Variants in ACVR1 observed in about 807,000 individuals in gnomAD.
The protein encoded by ACVR1 is activin receptor type-1.
In ACVR1, 38 loss-of-function variants were observed where a neutral mutation model predicts 57.1. That is an observed-to-expected ratio of 0.67 (90% confidence interval 0.51 to 0.87). The LOEUF is 0.87. Ranked by LOEUF, ACVR1 falls within the 40% of genes least tolerant of loss-of-function variation. The pLI is 0.00. For synonymous variants in ACVR1, 212 were observed against 228.1 expected, an observed-to-expected ratio of 0.93 and a Z score of 0.63; for missense variants, 463 against 638.2, an observed-to-expected ratio of 0.73 and a Z score of 2.96.
intron 1 of ACVR1, among the ~76,000 whole-genome samples, chr2:157,825,023 G>A (rs1421803512): frequency 2.6e-5 from 4 of 152,066 alleles, no homozygotes; most frequent in African/African-American, 9.7e-5. Flanking sequence ...TGAGATTACA[G>A]GAGTGAGAGA....
At chr2:157,867,876 A>G (rs1351628041) in intron 1 of ACVR1, among the ~76,000 whole-genome samples, 1 of 152,114 alleles carries the variant, frequency 6.6e-6, no homozygotes, top group African/African-American at 2.4e-5. Context: ...TTCTCCTTCT[A>G]TAAAATGGGC....
At chr2:157,798,863 A>G (rs923901736) in intron 3 of ACVR1, among the ~76,000 whole-genome samples, 4 of 151,162 alleles carry the variant, frequency 2.6e-5, no homozygotes, top group Non-Finnish European at 4.4e-5. Flanking sequence ...ATTGTTAATT[A>G]CAGAATTTTC....
chr2:157,836,910 A>C (rs1317564090), intron 1 of ACVR1, among the ~76,000 whole-genome samples: 5 of 152,198 alleles, frequency 3.3e-5, no homozygotes, highest in African/African-American at 1.2e-4. Flanking sequence ...ATCTACTGTA[A>C]TTAGGTGGAA....
chr2:157,774,416 G>T (rs1436962951), intron 5 of ACVR1, among the ~76,000 whole-genome samples: 1 of 152,184 alleles, frequency 6.6e-6, no homozygotes, highest in Non-Finnish European at 1.5e-5. Context: ...CCAGGCTGCA[G>T]TTCAATGGCG....
At chr2:157,835,101 C>T (rs989933504) in intron 1 of ACVR1, among the ~76,000 whole-genome samples, 1 of 152,134 alleles carries the variant, frequency 6.6e-6, no homozygotes, top group Admixed American at 6.6e-5. Flanking sequence ...ACTAAAAATG[C>T]AACTAAAACC....
chr2:157,817,722 C>T (rs192646283), intron 2 of ACVR1, among the ~76,000 whole-genome samples: 12 of 152,114 alleles, frequency 7.9e-5, no homozygotes, highest in South Asian at 6.2e-4. Context: ...AAATTAGGGC[C>T]GGGCACAGTG....
chr2:157,856,885 T>C (rs1689553926), intron 1 of ACVR1, among the ~76,000 whole-genome samples: 1 of 152,184 alleles, frequency 6.6e-6, no homozygotes, highest in African/African-American at 2.4e-5. Flanking sequence ...CATGCTACCT[T>C]CTTTCAATCC....
At chr2:157,795,419 CACACACACAA>C (rs1413533713) in intron 3 of ACVR1, among the ~76,000 whole-genome samples, 6 of 147,766 alleles carry the variant, frequency 4.1e-5, no homozygotes, top group African/African-American at 1.0e-4. Context: ...CACACACACA[CACACACACAA>C]ACACAATAGG....
intron 3 of ACVR1, among the ~76,000 whole-genome samples, chr2:157,783,346 T>A (rs574051705): frequency 6.6e-6 from 1 of 152,284 alleles, no homozygotes; most frequent in South Asian, 2.1e-4. Flanking sequence ...CTGGCAGACG[T>A]TTGGACTATA....
At chr2:157,821,482 C>T (rs1011536421) in intron 1 of ACVR1, among the ~76,000 whole-genome samples, 10 of 151,652 alleles carry the variant, frequency 6.6e-5, no homozygotes, top group South Asian at 2.1e-4. Context: ...CCAAGATCAG[C>T]GCCACTGCAC....
At chr2:157,818,326 G>GC (rs1212861869) in intron 2 of ACVR1, 59 bp downstream of exon 2, 1 of 152,220 alleles carries the variant, frequency 6.6e-6, no homozygotes, top group African/African-American at 2.4e-5. Context: ...TGAAGTGGCT[G>GC]CACTGCTGGT....
At chr2:157,873,983 C>A (rs971139150) in intron 1 of ACVR1, among the ~76,000 whole-genome samples, 1 of 152,206 alleles carries the variant, frequency 6.6e-6, no homozygotes, top group African/African-American at 2.4e-5. Context: ...CAAATGATCA[C>A]TCTCTTCCAA....
At chr2:157,774,330 TGGAAGAA>T in intron 5 of ACVR1, 143 bp from the exon 6 acceptor site, 1 of 714,854 alleles carries the variant, frequency 1.4e-6, no homozygotes, top group East Asian at 2.7e-5. Flanking sequence ...AAAGCTCCTC[TGGAAGAA>T]GGAAGAAGGA....
At position 157,770,370 on chromosome 2, in the gene ACVR1, A is replaced by G; in HGVS notation, c.788T>C (p.Leu263Ser). The G allele has an allele frequency of 1.2e-6, 2 of 1,613,994 alleles. No individual in the cohort carries two copies. The highest frequency in any genetic ancestry group is 1.7e-6 in the Non-Finnish European group (2 of 1,179,874). The change falls in exon 7 of 11, where the codon TTA becomes TCA. Residue 263 changes from leucine (L) to serine (S), a missense_variant and splice_region_variant. Around this residue, in one of 3 missense-constraint regions of ACVR1, gnomAD observed 114 missense variants for 216.2 expected, o/e 0.53. Coordinates refer to ENST00000434821, the MANE Select transcript of ACVR1 (RefSeq NM_001111067.4). ...NTVMLRHENI[L>S]GFIASDMTSR... is the part of the protein sequence containing the mutation. ...GAGGGGGTTATCCTTGTACTTACCT[A>G]AGATATTTTCATGCCTCAGCATCAC...
intron 1 of ACVR1, among the ~76,000 whole-genome samples, chr2:157,820,515 A>C (rs1688125048): frequency 6.6e-6 from 1 of 152,218 alleles, no homozygotes; most frequent in Admixed American, 6.5e-5. Flanking sequence ...GATAAGCCAG[A>C]AAATAAACAC....
Position 157,876,254 on chromosome 2 carries a change from G to T in ACVR1, c.-641C>A, listed in dbSNP as rs1690297183. On this transcript the variant is annotated 5_prime_UTR_variant, in exon 1 of 11. Coordinates refer to ENST00000434821, the MANE Select transcript of ACVR1 (RefSeq NM_001111067.4). Reference sequence around the variant, plus strand: ...GGGCTTGCCCCCGGGGGCGGCGGGGGAGACCGTCACAGAGAGTAGAAAAGT... The same window carrying T: ...GGGCTTGCCCCCGGGGGCGGCGGGGTAGACCGTCACAGAGAGTAGAAAAGT... Among the ~76,000 whole-genome samples, 1 of 148,900 alleles carries T rather than the reference G, an allele frequency of 6.7e-6. No individual in the cohort carries two copies. The highest frequency in any genetic ancestry group is 2.1e-4 in the South Asian group (1 of 4,686).
chr2:157,748,035 C>CT (rs1681165000), intron 9 of ACVR1, among the ~76,000 whole-genome samples: 1 of 151,990 alleles, frequency 6.6e-6, no homozygotes, highest in Non-Finnish European at 1.5e-5. Context: ...CTCTACCTTC[C>CT]TTTTTTTTCT....
chr2:157,744,909 A>G (rs763210711), intron 9 of ACVR1, among the ~76,000 whole-genome samples: 3 of 152,208 alleles, frequency 2.0e-5, no homozygotes, highest in Non-Finnish European at 4.4e-5. Context: ...CCTGTAACTC[A>G]TGGCAGGCAC....
At chr2:157,762,135 T>C (rs943274055) in intron 8 of ACVR1, among the ~76,000 whole-genome samples, 1 of 152,214 alleles carries the variant, frequency 6.6e-6, no homozygotes, top group African/African-American at 2.4e-5. Flanking sequence ...CCCAAGATTC[T>C]ATGGACACTG....
Sources: allele counts gnomAD v4.1 joint callset (sites outside exome capture counted in the v4.1 genomes callset), GRCh38; gene constraint gnomAD v4.1.1; regional missense constraint gnomAD v4.1.1; transcripts MANE v1.5; gene names NCBI Gene and HGNC (gene_info 2026-07-23, HGNC 2026-07-21).